The following AP3B1 variants were observed in gnomAD, a reference collection of about 807,000 sequenced individuals.
The protein encoded by AP3B1 is adaptor related protein complex 3 subunit beta 1.
In AP3B1, 61 loss-of-function variants were observed where a neutral mutation model predicts 132.5. That is an observed-to-expected ratio of 0.46 (90% CI 0.37 to 0.57). AP3B1 has a LOEUF of 0.57. Ranked by LOEUF, AP3B1 falls within the 20% of genes least tolerant of loss-of-function variation. The probability of loss-of-function intolerance (pLI) is 0.00; values close to 1 mark genes in which losing one functional copy is unlikely to be tolerated. For missense variants in AP3B1, 1,120 were observed against 1,289.4 expected (o/e 0.87, Z 2.01); for synonymous variants, 388 against 438.3 (o/e 0.89, Z 1.43).
chr5:78,074,831 G>T lies in AP3B1; in HGVS notation c.2577+14562C>A, dbSNP rs191999248. Among the ~76,000 whole-genome samples, 285 of 152,230 alleles carry T rather than the reference G, an allele frequency of 1.9e-3. 3 individuals carry two copies. The highest frequency in any genetic ancestry group is 2.1e-3 in the Non-Finnish European group (143 of 68,016). On this transcript the variant is annotated intron_variant, in intron 22 of 26. Transcript: ENST00000255194. ...GGCGTGGTGGCACATGCCTCAGGAG[G>T]CTGAGGCAGGAGAACTGCTTGAACC...
intron 17 of AP3B1, among the ~76,000 whole-genome samples, chr5:78,127,327 A>AT (rs1271789809): frequency 6.6e-6 from 1 of 152,212 alleles, no homozygotes; most frequent in East Asian, 1.9e-4. Flanking sequence ...ATTTTAAAGT[A>AT]TTAAATATAT....
At chr5:78,196,191 C>CA (rs1175702306) in intron 7 of AP3B1, among the ~76,000 whole-genome samples, 1 of 152,050 alleles carries the variant, frequency 6.6e-6, no homozygotes, top group African/African-American at 2.4e-5. Context: ...AATAACAGCC[C>CA]AATTTTTTAA....
chr5:78,247,219 A>G (rs951101816), intron 2 of AP3B1, among the ~76,000 whole-genome samples: 2 of 150,324 alleles, frequency 1.3e-5, no homozygotes, highest in Non-Finnish European at 3.0e-5. Flanking sequence ...GTTTGTTAAG[A>G]TTGTGTTTTA....
Position 78,007,290 on chromosome 5 carries a change from C to T in AP3B1, c.3132-4235G>A, listed in dbSNP as rs149167654. Among the ~76,000 whole-genome samples the T allele has an allele frequency of 3.7e-3, 559 of 152,334 alleles. 7 individuals carry two copies. The Middle Eastern group carries it at 0.048, about 13-fold the overall frequency. On this transcript the variant is annotated intron_variant, in intron 26 of 26. Coordinates refer to ENST00000255194, the MANE Select transcript of AP3B1 (RefSeq NM_003664.5). Reference sequence around the variant, plus strand: ...TTTACACAGAATCAGATTTGCTATACTTAATGCAACAGCTCTAAGACATGC... The same window carrying T: ...TTTACACAGAATCAGATTTGCTATATTTAATGCAACAGCTCTAAGACATGC...
intron 22 of AP3B1, among the ~76,000 whole-genome samples, chr5:78,079,577 A>T (rs955955142): frequency 1.3e-5 from 2 of 152,212 alleles, no homozygotes; most frequent in African/African-American, 2.4e-5. Context: ...TATGGAAGAA[A>T]AGGAATAGAA....
At chr5:78,117,896 A>G (rs182218201) in intron 17 of AP3B1, among the ~76,000 whole-genome samples, 18 of 152,332 alleles carry the variant, frequency 1.2e-4, no homozygotes, top group African/African-American at 4.3e-4. Context: ...TACTTCTGAA[A>G]AGATAAAATA....
At chr5:78,146,981 G>A (rs2112338157) in intron 14 of AP3B1, among the ~76,000 whole-genome samples, 1 of 152,054 alleles carries the variant, frequency 6.6e-6, no homozygotes, top group South Asian at 2.1e-4. Context: ...ACTCCTAAAA[G>A]TGGGTATTAT....
intron 7 of AP3B1, among the ~76,000 whole-genome samples, chr5:78,198,537 C>T (rs1745162193): frequency 2.0e-5 from 3 of 152,164 alleles, no homozygotes; most frequent in Admixed American, 1.3e-4. Flanking sequence ...GAGGTCCCCA[C>T]TCTCATGACT....
intron 21 of AP3B1, among the ~76,000 whole-genome samples, chr5:78,097,078 G>A (rs1419102918): frequency 7.9e-5 from 9 of 113,702 alleles, no homozygotes; most frequent in South Asian, 2.6e-4. Context: ...TCAGCCCCCC[G>A]CCCGGCCAGC....
At chr5:78,290,023 C>T (rs1430071676) in intron 1 of AP3B1, among the ~76,000 whole-genome samples, 1 of 152,134 alleles carries the variant, frequency 6.6e-6, no homozygotes, top group Admixed American at 6.5e-5. Context: ...AAGTCTTCAC[C>T]AACTTTCCCA....
chr5:78,169,556 G>T (rs906361315), intron 11 of AP3B1, among the ~76,000 whole-genome samples: 11 of 151,972 alleles, frequency 7.2e-5, no homozygotes, highest in African/African-American at 2.7e-4. Context: ...AGCCTCCCAA[G>T]TAGCTAAGAT....
rs556625828 is a variant in AP3B1, at chr5:78,213,436, G to A, written c.786+2619C>T. Among the ~76,000 whole-genome samples the A allele has an allele frequency of 3.9e-5, 6 of 152,268 alleles. No homozygotes were observed. The South Asian group carries it at 1.2e-3, about 32-fold the overall frequency. The stretch of plus-strand genomic sequence containing the variant: ...TTTATAAAATATATTTATAACAAGA[G>A]TCTAACATATTGTACAATCCTTGAT... On this transcript the variant is annotated intron_variant, in intron 7 of 26. Transcript: ENST00000255194.
intron 1 of AP3B1, among the ~76,000 whole-genome samples, chr5:78,289,761 C>A (rs1749432383): frequency 6.6e-6 from 1 of 152,132 alleles, no homozygotes; most frequent in African/African-American, 2.4e-5. Flanking sequence ...TACTTTATAT[C>A]CTGTTGTCCC....
intron 6 of AP3B1, among the ~76,000 whole-genome samples, chr5:78,223,019 G>GTTTCTCT (rs1229443158): frequency 9.5e-6 from 1 of 105,356 alleles, no homozygotes; most frequent in African/African-American, 3.6e-5. Context: ...TTGTTTGTTT[G>GTTTCTCT]TTTGTTTCTT....
In AP3B1 at chr5:78,003,354, T is replaced by G. The variant is rs3776923; in HGVS notation, c.3132-299A>C. On this transcript the variant is annotated intron_variant, in intron 26 of 26. Transcript: ENST00000255194. The stretch of plus-strand genomic sequence containing the variant: ...GTGAATAATTCTCCATTACAATATA[T>G]TTGAGAACCATTCATCCACTTGGTA... The G allele has an allele frequency of 0.024, 5,439 of 223,032 alleles. 220 individuals carry two copies. Among genetic ancestry groups the G allele is most frequent in the East Asian group, 0.18 (1,014 of 5,494 alleles). 13.8% of individuals were successfully genotyped at this position (223,032 alleles called of 1,614,324 possible). A position where few individuals can be genotyped will look rare whatever the true frequency, so the allele number is the denominator to read the frequency against.
chr5:78,128,009 A>G, intron 17 of AP3B1, 21 bp downstream of exon 17: 1 of 1,611,126 alleles, frequency 6.2e-7, no homozygotes, highest in Non-Finnish European at 8.5e-7. Context: ...GGCAAAATTA[A>G]TTTCAGAAAG....
chr5:78,106,404 G>A (rs1415581992), intron 20 of AP3B1, among the ~76,000 whole-genome samples: 2 of 152,140 alleles, frequency 1.3e-5, no homozygotes, highest in African/African-American at 2.4e-5. Flanking sequence ...GCTGCAGAGA[G>A]CTGGGATCAT....
At chr5:78,134,642 G>A (rs988712027) in intron 15 of AP3B1, among the ~76,000 whole-genome samples, 3 of 152,182 alleles carry the variant, frequency 2.0e-5, no homozygotes, top group African/African-American at 7.2e-5. Flanking sequence ...CCAGGTTCAA[G>A]TGATTCTCCT....
chr5:78,218,731 T>C (rs759074072), intron 6 of AP3B1, among the ~76,000 whole-genome samples: 2 of 152,112 alleles, frequency 1.3e-5, no homozygotes, highest in East Asian at 1.9e-4. Flanking sequence ...CTAATTAACA[T>C]TGCAAAAACC....
Sources: allele counts gnomAD v4.1 joint callset (sites outside exome capture counted in the v4.1 genomes callset), GRCh38; gene constraint gnomAD v4.1.1; transcripts MANE v1.5; gene names NCBI Gene and HGNC (gene_info 2026-07-23, HGNC 2026-07-21).